GSDMB: variants seen among roughly 807,000 people sequenced by gnomAD.
The protein encoded by GSDMB is gasdermin B.
Under a neutral mutation model 42.9 loss-of-function variants are expected in GSDMB, and 32 were observed. The ratio of observed to expected loss-of-function variants is 0.75; its 90% CI spans 0.56 to 1.00. The LOEUF is 1.00. Among genes scored for constraint, GSDMB ranks in the 50% least tolerant of loss-of-function variants. The pLI is 0.00. For missense variants in GSDMB, 468 were observed against 498.5 expected, an observed-to-expected ratio of 0.94 and a Z score of 0.58; for synonymous variants, 175 against 193.7, an observed-to-expected ratio of 0.90 and a Z score of 0.80.
chr17:39,905,332 T>C (rs780006694), intron 10 of GSDMB, 94 bp downstream of exon 10: 1 of 820,194 alleles, frequency 1.2e-6, no homozygotes, highest in Non-Finnish European at 2.0e-6. Context: ...AACTATGGAA[T>C]AAGAAGGGGC....
chr17:39,909,693 C>G (rs1246692865), intron 4 of GSDMB, 63 bp downstream of exon 4: 2 of 1,444,868 alleles, frequency 1.4e-6, no homozygotes, highest in African/African-American at 1.4e-5. Flanking sequence ...GCTGGCATCG[C>G]CTTGACCTGC....
At chr17:39,908,813 AC>A (rs2063554261) in intron 5 of GSDMB, 144 bp downstream of exon 5, 4 of 676,024 alleles carry the variant, frequency 5.9e-6, no homozygotes, top group Non-Finnish European at 1.1e-5. Flanking sequence ...CTAGTGCTGA[AC>A]CCACCCTTTT....
intron 3 of GSDMB, among the ~76,000 whole-genome samples, chr17:39,910,389 C>G (rs2063586359): frequency 6.6e-6 from 1 of 152,174 alleles, no homozygotes; most frequent in Non-Finnish European, 1.5e-5. Flanking sequence ...TTACAATGTG[C>G]CAGCTGTGAG....
rs530349543 is a variant in GSDMB, at chr17:39,913,840, G to T, written c.236-1343C>A. Reference sequence around the variant, plus strand: ...CAACCTCCCAGATGGGAACCTACAGGGGAGGGAGAGCTCCCACTGCTAGGT... The same window carrying T: ...CAACCTCCCAGATGGGAACCTACAGTGGAGGGAGAGCTCCCACTGCTAGGT... On this transcript the variant is annotated intron_variant, in intron 2 of 10. Transcript: ENST00000418519. 5.6e-4 allele frequency among the ~76,000 whole-genome samples: 86 copies of T among 152,322 alleles called. 1 individual carries two copies. Among genetic ancestry groups the T allele is most frequent in the African/African-American group, 1.9e-3 (79 of 41,568 alleles).
intron 2 of GSDMB, 55 bp downstream of exon 2, chr17:39,917,027 A>G: frequency 9.3e-7 from 1 of 1,070,976 alleles, no homozygotes. Flanking sequence ...AAGGAGATGG[A>G]GTACAAACGG....
chr17:39,907,850 CT>C, intron 6 of GSDMB: 2 of 281,058 alleles, frequency 7.1e-6, no homozygotes, highest in East Asian at 7.4e-5. Flanking sequence ...GTCCAGGACC[CT>C]TTTCACAGCC....
intron 10 of GSDMB, 171 bp from the exon 11 acceptor site, chr17:39,905,135 G>C (rs887723140): frequency 3.1e-6 from 2 of 638,522 alleles, no homozygotes; most frequent in African/African-American, 3.7e-5. Flanking sequence ...ATAGTGGCAG[G>C]CTCTGCTAGT....
chr17:39,917,793 G>A (rs9303281), intron 1 of GSDMB: 90,598 of 180,966 alleles, frequency 0.5, 23,226 homozygotes, highest in East Asian at 0.73. Context: ...AGCCCGTTTC[G>A]TGGACTCTCT....
chr17:39,905,004 C>A (rs762799494), intron 10 of GSDMB, 40 bp from the exon 11 acceptor site: 1 of 1,574,090 alleles, frequency 6.4e-7, no homozygotes, highest in South Asian at 1.1e-5. Flanking sequence ...CTAGGAACAA[C>A]GATATACCAG....
At position 39,906,765 on chromosome 17, in the gene GSDMB, T is replaced by C. The variant is rs747693130; in HGVS notation, c.727+196A>G. The C allele has an allele frequency of 5.1e-6, 7 of 1,374,804 alleles. No homozygotes were observed. In the South Asian group the frequency reaches 5.4e-5, roughly 11 times the overall value. 85.2% of individuals were successfully genotyped at this position (1,374,804 alleles called of 1,614,324 possible). A position where few individuals can be genotyped will look rare whatever the true frequency, so the allele number is the denominator to read the frequency against. The stretch of plus-strand genomic sequence containing the variant: ...AGTTTTAAAGTTTCCTGGTGTGATT[T>C]TGGGGTATAACCAATGAGAACCACT... On this transcript the variant is annotated intron_variant, in intron 7 of 10. Coordinates refer to ENST00000418519, the MANE Select transcript of GSDMB (RefSeq NM_001165958.2).
In GSDMB at chr17:39,906,104, C is replaced by T; in HGVS notation, c.888+7G>A. 2 of 1,614,056 alleles carry T rather than the reference C, an allele frequency of 1.2e-6. No homozygotes were observed. The highest frequency in any genetic ancestry group is 1.1e-5 in the South Asian group (1 of 91,074). On this transcript the variant is annotated splice_region_variant and intron_variant, in intron 8 of 10. Transcript: ENST00000418519. The stretch of plus-strand genomic sequence containing the variant: ...CTCTGCCCCAAGGCTTTCTTAGGGT[C>T]CCTTACTCTTTGCTCTAGATCCTGC...
At chr17:39,913,672 G>C (rs2063657305) in intron 2 of GSDMB, among the ~76,000 whole-genome samples, 1 of 152,198 alleles carries the variant, frequency 6.6e-6, no homozygotes, top group Admixed American at 6.5e-5. Flanking sequence ...TATGAAGTGA[G>C]GCAACCCTGG....
chr17:39,905,777 G>T, intron 9 of GSDMB, 70 bp downstream of exon 9: 1 of 1,526,444 alleles, frequency 6.6e-7, no homozygotes, highest in South Asian at 1.2e-5. Flanking sequence ...CTCCTCCCAA[G>T]ATGTGACTCC....
intron 2 of GSDMB, 142 bp downstream of exon 2, chr17:39,916,940 T>C (rs966589897): frequency 3.3e-6 from 2 of 609,870 alleles, no homozygotes; most frequent in African/African-American, 3.7e-5. Flanking sequence ...TCCGTGCATT[T>C]CTTAAATTAA....
chr17:39,912,686 G>T (rs1473705075), intron 2 of GSDMB, among the ~76,000 whole-genome samples, 189 bp from the exon 3 acceptor site: 6 of 152,224 alleles, frequency 3.9e-5, no homozygotes, highest in Admixed American at 3.9e-4. Context: ...TGGGGTCACA[G>T]GATCCCAGAT....
chr17:39,907,556 AAG>A (rs201328587), intron 6 of GSDMB: 3,997 of 151,794 alleles, frequency 0.026, 73 homozygotes, highest in Non-Finnish European at 0.041. Flanking sequence ...ATACAAAAAA[AAG>A]AAAAACAAAA....
intron 2 of GSDMB, 141 bp downstream of exon 2, chr17:39,916,941 C>A: frequency 1.6e-6 from 1 of 611,322 alleles, no homozygotes. Context: ...CCGTGCATTT[C>A]TTAAATTAAG....
chr17:39,906,442 G>T, intron 7 of GSDMB, 171 bp from the exon 8 acceptor site: 2 of 891,812 alleles, frequency 2.2e-6, no homozygotes, highest in Non-Finnish European at 3.3e-6. Context: ...TACCATCATT[G>T]CCTCCCACTG....
Position 39,904,694 on chromosome 17 carries a change from G to C in GSDMB, c.*118C>G. 1 of 789,026 alleles carries C rather than the reference G, an allele frequency of 1.3e-6. No individual in the cohort carries two copies. The highest frequency in any genetic ancestry group is 2.1e-6 in the Non-Finnish European group (1 of 483,072). The allele number at this position is 789,026 out of a possible 1,614,324, so 48.9% of individuals were successfully genotyped here. Reference sequence around the variant, plus strand: ...GAGCGAATGGGATACATCAAAGAATGGTTGGCTGCTTGTTTTAAAGAGGTC... The same window carrying C: ...GAGCGAATGGGATACATCAAAGAATCGTTGGCTGCTTGTTTTAAAGAGGTC... On this transcript the variant is annotated 3_prime_UTR_variant, in exon 11 of 11. Transcript: ENST00000418519.
Sources: gnomAD v4.1 joint callset for allele counts (sites outside exome capture counted in the v4.1 genomes callset) on GRCh38, gnomAD v4.1.1 for gene constraint, MANE v1.5 for transcripts, NCBI Gene and HGNC (gene_info 2026-07-23, HGNC 2026-07-21) for gene names.